The following DNAH7 variants were observed in gnomAD, a reference collection of about 807,000 sequenced individuals.
DNAH7 encodes the protein axonemal beta dynein heavy chain 7.
A neutral mutation model predicts 444.6 loss-of-function variants in DNAH7; 397 were observed. That is an observed-to-expected ratio of 0.89 (90% CI 0.82 to 0.97). The LOEUF is 0.97. DNAH7 is among the 50% of genes least tolerant of loss of function. The pLI is 0.00. For synonymous variants in DNAH7, 1,636 were observed against 1,624.4 expected, an observed-to-expected ratio of 1.01 and a Z score of -0.17; for missense variants, 4,902 against 4,800.8, an observed-to-expected ratio of 1.02 and a Z score of -0.62.
chr2:195,737,817 C>CAA lies in DNAH7; in HGVS notation c.*102_*103dup. The CAA allele has an allele frequency of 1.0e-6, 1 of 990,020 alleles. No homozygotes were observed. The highest frequency in any genetic ancestry group is 1.5e-6 in the Non-Finnish European group (1 of 679,314). 61.3% of individuals were successfully genotyped at this position (990,020 alleles called of 1,614,324 possible). ...GTAAATTCATAATTATAACTTTAGT[C>CAA]AAATGTATTTAAACAAACAAAAAAA... On this transcript the variant is annotated 3_prime_UTR_variant, in exon 65 of 65. Transcript: ENST00000312428.
At chr2:195,828,152 A>T (rs1456809840) in intron 48 of DNAH7, among the ~76,000 whole-genome samples, 1 of 152,236 alleles carries the variant, frequency 6.6e-6, no homozygotes, top group Non-Finnish European at 1.5e-5. Context: ...GACGCATCTT[A>T]AAAAATTAAT....
At chr2:195,870,803 C>G (rs1379531697) in intron 40 of DNAH7, among the ~76,000 whole-genome samples, 1 of 152,166 alleles carries the variant, frequency 6.6e-6, no homozygotes, top group African/African-American at 2.4e-5. Context: ...CTTGAACTTT[C>G]CAGCCTCCAG....
At chr2:196,056,021 C>T (rs1475655610) in intron 2 of DNAH7, among the ~76,000 whole-genome samples, 2 of 152,190 alleles carry the variant, frequency 1.3e-5, no homozygotes, top group Non-Finnish European at 2.9e-5. Context: ...CTCTAGCTAA[C>T]CAAGACAAGC....
At chr2:195,849,778 T>A (rs1193375909) in intron 46 of DNAH7, among the ~76,000 whole-genome samples, 1 of 152,088 alleles carries the variant, frequency 6.6e-6, no homozygotes, top group Non-Finnish European at 1.5e-5. Context: ...ATTTTTTGTA[T>A]TTTTTGTAGA....
Position 196,033,461 on chromosome 2 carries a change from G to C in DNAH7, c.399-5414C>G, listed in dbSNP as rs540776343. Among the ~76,000 whole-genome samples the C allele has an allele frequency of 1.5e-3, 230 of 152,060 alleles. 1 individual carries two copies. Among genetic ancestry groups the C allele is most frequent in the African/African-American group, 5.1e-3 (211 of 41,512 alleles). On this transcript the variant is annotated intron_variant, in intron 5 of 64. Transcript: ENST00000312428. ...TAACCATCATCTCCCCATTCCCCCTGCCTCCCTCCAGCCTCTGGTAACAAC... is the reference window on the plus strand; with the variant it reads ...TAACCATCATCTCCCCATTCCCCCTCCCTCCCTCCAGCCTCTGGTAACAAC...
chr2:196,019,245 C>A lies in DNAH7; in HGVS notation c.794G>T (p.Ser265Ile). The change falls in exon 9 of 65, where the codon AGT becomes ATT. Residue 265 changes from serine (S) to isoleucine (I), a missense_variant. Transcript: ENST00000312428. ...TGCATTCAAGTGATCCCTAATATAA[C>A]TGCTTGCAGCTAAAAAAGATTTCCT... ...PWRKSFLAAS[S>I]YIRDHLNAMN... is the part of the protein sequence containing the mutation. 1 of 1,507,976 alleles carries A rather than the reference C, an allele frequency of 6.6e-7. No individual in the cohort carries two copies. Among genetic ancestry groups the A allele is most frequent in the Non-Finnish European group, 9.0e-7 (1 of 1,114,392 alleles). The allele number at this position is 1,507,976 out of a possible 1,614,324, so 93.4% of individuals were successfully genotyped here. A position where few individuals can be genotyped will look rare whatever the true frequency, so the allele number is the denominator to read the frequency against.
intron 35 of DNAH7, among the ~76,000 whole-genome samples, chr2:195,882,196 T>C (rs1574655543): frequency 6.6e-6 from 1 of 152,218 alleles, no homozygotes; most frequent in Non-Finnish European, 1.5e-5. Flanking sequence ...TGAATACAAA[T>C]GAAACAGCAA....
At chr2:195,879,871 G>A (rs1015496645) in intron 36 of DNAH7, among the ~76,000 whole-genome samples, 69 of 152,080 alleles carry the variant, frequency 4.5e-4, no homozygotes, top group Non-Finnish European at 9.3e-4. Context: ...TCTCAACTAA[G>A]TAAATTGTAT....
intron 64 of DNAH7, 151 bp downstream of exon 64, chr2:195,740,615 G>A (rs10206791): frequency 0.056 from 4,004 of 71,126 alleles, 121 homozygotes; most frequent in African/African-American, 0.12. Flanking sequence ...GTGTGTGTGT[G>A]TATATATATA....
chr2:195,864,377 T>C lies in DNAH7; in HGVS notation c.7278A>G (p.Ala2426=), dbSNP rs1180531839. The change falls in exon 41 of 65, where the codon GCA becomes GCG. Residue 2426 remains alanine, a synonymous_variant. Coordinates refer to ENST00000312428, the MANE Select transcript of DNAH7 (RefSeq NM_018897.3). ...LNAGEIPNLF[A]LDEKQEICDK... ...CACATATCTCTTGCTTCTCATCTAATGCAAAGAGATTTGGAATCTCCCCAG... is the reference window on the plus strand; with the variant it reads ...CACATATCTCTTGCTTCTCATCTAACGCAAAGAGATTTGGAATCTCCCCAG... 2 of 1,614,180 alleles carry C rather than the reference T, an allele frequency of 1.2e-6. No individual in the cohort carries two copies. Among genetic ancestry groups the C allele is most frequent in the Admixed American group, 1.7e-5 (1 of 60,002 alleles).
At chr2:196,041,337 C>T (rs1696746451) in intron 5 of DNAH7, among the ~76,000 whole-genome samples, 2 of 152,020 alleles carry the variant, frequency 1.3e-5, no homozygotes, top group South Asian at 4.1e-4. Flanking sequence ...GTAACCAAAA[C>T]AGCATAATGC....
chr2:195,902,173 T>G (rs1220676889), intron 27 of DNAH7: 2 of 152,198 alleles, frequency 1.3e-5, no homozygotes, highest in African/African-American at 4.8e-5. Flanking sequence ...TGATCTGTTA[T>G]GACTCTTCTA....
At chr2:195,816,234 A>G in intron 51 of DNAH7, among the ~76,000 whole-genome samples, 1 of 152,152 alleles carries the variant, frequency 6.6e-6, no homozygotes, top group East Asian at 1.9e-4. Flanking sequence ...CTAGCATTTG[A>G]CAAATTTTAC....
chr2:196,002,519 A>G (rs1694101637), intron 10 of DNAH7, among the ~76,000 whole-genome samples: 1 of 152,328 alleles, frequency 6.6e-6, no homozygotes, highest in Admixed American at 6.5e-5. Context: ...ACTCTCCAAC[A>G]CTACAGAATT....
intron 24 of DNAH7, 76 bp downstream of exon 24, chr2:195,922,012 G>T (rs1688055606): frequency 1.2e-6 from 1 of 824,392 alleles, no homozygotes; most frequent in Non-Finnish European, 2.0e-6. Context: ...GAGACAATTT[G>T]GTATTTTTAA....
In DNAH7 at chr2:195,897,689, G is replaced by A. The variant is rs749539806; in HGVS notation, c.4625C>T (p.Ser1542Phe). Residue 1542 changes from serine to phenylalanine, a missense_variant, in exon 29 of 65, where the codon TCC becomes TTC. Coordinates refer to ENST00000312428, the MANE Select transcript of DNAH7 (RefSeq NM_018897.3). ...IIDVNLPKFL[S>F]HDLPLFEGIT... ...TACCTCAAAGAGTGGTAAATCATGG[G>A]ATAAAAATTTTGGCAGATTTACATC... 53 of 1,596,690 alleles carry A rather than the reference G, an allele frequency of 3.3e-5. 1 individual carries two copies. The South Asian group carries it at 5.5e-4, about 17-fold the overall frequency.
At chr2:196,018,479 C>T (rs1695161009) in intron 9 of DNAH7, among the ~76,000 whole-genome samples, 1 of 151,966 alleles carries the variant, frequency 6.6e-6, no homozygotes, top group African/African-American at 2.4e-5. Flanking sequence ...AGGTTATTTC[C>T]TGATGCATTA....
intron 48 of DNAH7, among the ~76,000 whole-genome samples, chr2:195,830,952 T>C (rs1698038118): frequency 6.6e-6 from 1 of 152,118 alleles, no homozygotes; most frequent in African/African-American, 2.4e-5. Flanking sequence ...AATGAATGAA[T>C]GGACAAATAA....
At chr2:195,863,321 C>G (rs760123021) in intron 41 of DNAH7, among the ~76,000 whole-genome samples, 1 of 152,202 alleles carries the variant, frequency 6.6e-6, no homozygotes, top group Non-Finnish European at 1.5e-5. Flanking sequence ...AACCCACTCA[C>G]GGGATCTCAG....
Sources: gnomAD v4.1 joint callset for allele counts (sites outside exome capture counted in the v4.1 genomes callset) on GRCh38, gnomAD v4.1.1 for gene constraint, MANE v1.5 for transcripts, NCBI Gene and HGNC (gene_info 2026-07-23, HGNC 2026-07-21) for gene names.